The following PPP2R5C variants were observed in gnomAD, a reference collection of about 807,000 sequenced individuals.
The protein encoded by PPP2R5C is protein phosphatase 2 regulatory subunit B'gamma.
In PPP2R5C, 7 loss-of-function variants were observed where a neutral mutation model predicts 68.9. The observed-to-expected ratio is 0.10, with a 90% CI of 0.06 to 0.19. PPP2R5C has a LOEUF of 0.19. PPP2R5C is among the 10% of genes least tolerant of loss of function. PPP2R5C has a pLI of 1.00. For missense variants in PPP2R5C, 348 were observed against 641.3 expected (o/e 0.54, Z 4.94); for synonymous variants, 210 against 222.2 (o/e 0.95, Z 0.49).
At chr14:101,785,883 A>G (rs572207307) in intron 2 of PPP2R5C, 135 bp from the exon 3 acceptor site, 1 of 763,618 alleles carries the variant, frequency 1.3e-6, no homozygotes, top group Non-Finnish European at 1.9e-6. Context: ...CAGCCACTCT[A>G]AGGAATGATG....
intron 3 of PPP2R5C, among the ~76,000 whole-genome samples, chr14:101,795,857 C>G (rs2038582115): frequency 6.6e-6 from 1 of 152,150 alleles, no homozygotes. Context: ...CGGTTTCGCT[C>G]TGTCACCCAG....
intron 2 of PPP2R5C, among the ~76,000 whole-genome samples, chr14:101,779,522 C>G (rs768731040): frequency 5.3e-5 from 8 of 152,110 alleles, no homozygotes; most frequent in Non-Finnish European, 1.0e-4. Flanking sequence ...GCTGAAGAAA[C>G]AGGCATTGAA....
At chr14:101,795,135 A>G (rs1566844085) in intron 3 of PPP2R5C, among the ~76,000 whole-genome samples, 1 of 152,216 alleles carries the variant, frequency 6.6e-6, no homozygotes. Context: ...GCTATTATAA[A>G]TGATACTGTT....
At chr14:101,763,011 C>T (rs2036635840) in intron 2 of PPP2R5C, 41 bp downstream of exon 2, 1 of 1,485,628 alleles carries the variant, frequency 6.7e-7, no homozygotes, top group Non-Finnish European at 9.2e-7. Flanking sequence ...TTATACACAG[C>T]TTTTAACTTC....
chr14:101,797,164 C>A lies in PPP2R5C; in HGVS notation c.259+10981C>A, dbSNP rs1341147682. On this transcript the variant is annotated intron_variant, in intron 3 of 14. Transcript: ENST00000328724. This position sits in a 1 kb window ranked among gnomAD's most constrained non-coding sequence, Gnocchi z 4.2. ...TCTTAGAAGCGGAATCGTACAGTAT[C>A]TGTCTTTCTGTGCCTGGCTTATTTC... 6.6e-6 allele frequency: 3 copies of A among 455,918 alleles called. No individual in the cohort carries two copies. Among genetic ancestry groups the A allele is most frequent in the African/African-American group, 6.0e-5 (3 of 50,058 alleles). The allele number at this position is 455,918 out of a possible 1,614,324, so 28.2% of individuals were successfully genotyped here. A position where few individuals can be genotyped will look rare whatever the true frequency, so the allele number is the denominator to read the frequency against.
In PPP2R5C at chr14:101,797,673, T is replaced by A; in HGVS notation, c.259+11490T>A. The A allele has an allele frequency of 6.1e-6, 1 of 164,036 alleles. No homozygotes were observed. Among genetic ancestry groups the A allele is most frequent in the Non-Finnish European group, 1.3e-5 (1 of 76,746 alleles). The allele number at this position is 164,036 out of a possible 1,614,324, so 10.2% of individuals were successfully genotyped here. On this transcript the variant is annotated intron_variant, in intron 3 of 14. Coordinates refer to the PPP2R5C transcript ENST00000328724. This position sits in a 1 kb window ranked among gnomAD's most constrained non-coding sequence, Gnocchi z 4.2. ...AAAGGGTGTCGGCAAGTTGGCAAGT[T>A]AAAAAAAAAAACAATCAGCATGAAA...
At chr14:101,853,048 C>A (rs1413838463) in intron 1 of PPP2R5C, among the ~76,000 whole-genome samples, 2 of 152,136 alleles carry the variant, frequency 1.3e-5, no homozygotes, top group Non-Finnish European at 1.5e-5. Context: ...GAAGCATATT[C>A]TTCCACCACC....
At position 101,797,213 on chromosome 14, in the gene PPP2R5C, C is replaced by G. The variant is rs1478470226; in HGVS notation, c.259+11030C>G. 1 of 455,862 alleles carries G rather than the reference C, an allele frequency of 2.2e-6. No individual in the cohort carries two copies. Among genetic ancestry groups the G allele is most frequent in the African/African-American group, 2.0e-5 (1 of 50,038 alleles). 28.2% of individuals were successfully genotyped at this position (455,862 alleles called of 1,614,324 possible). On this transcript the variant is annotated intron_variant, in intron 3 of 14. Coordinates refer to the PPP2R5C transcript ENST00000328724. The surrounding 1 kb of genome is among the most constrained non-coding windows in gnomAD (Gnocchi z 4.2). ...TCCCTAAACATAATATCTTCCAGGT[C>G]CCCCCACATTGTAGCACGTGCCAGA...
chr14:101,801,759 C>T (rs1313500422), intron 3 of PPP2R5C, among the ~76,000 whole-genome samples: 1 of 152,242 alleles, frequency 6.6e-6, no homozygotes, highest in African/African-American at 2.4e-5. Flanking sequence ...GATGTCAGTA[C>T]TGCCCAAAGC....
At chr14:101,768,584 C>G (rs533488805) in intron 2 of PPP2R5C, among the ~76,000 whole-genome samples, 76 of 152,152 alleles carry the variant, frequency 5.0e-4, no homozygotes, top group African/African-American at 1.8e-3. Flanking sequence ...ACGTCCGGCT[C>G]CATCGAAGGT....
rs374688869 is a variant in PPP2R5C, at chr14:101,913,789, T to C, written c.1326+1316T>C. Among the ~76,000 whole-genome samples, 3 of 152,198 alleles carry C rather than the reference T, an allele frequency of 2.0e-5. No individual in the cohort carries two copies. The highest frequency in any genetic ancestry group is 7.2e-5 in the African/African-American group (3 of 41,452). On this transcript the variant is annotated intron_variant, in intron 12 of 13. Coordinates refer to ENST00000334743, the Ensembl canonical transcript of PPP2R5C. The surrounding 1 kb of genome is among the most constrained non-coding windows in gnomAD (Gnocchi z 4.1). ...TTGTTCTGAAGAGCCTCAGGCAAAGTGGGTGCTGATAGCCCTCAGGATTGT... is the reference window on the plus strand; with the variant it reads ...TTGTTCTGAAGAGCCTCAGGCAAAGCGGGTGCTGATAGCCCTCAGGATTGT...
intron 5 of PPP2R5C, chr14:101,889,969 T>C: frequency 1.8e-6 from 1 of 562,466 alleles, no homozygotes; most frequent in Non-Finnish European, 3.4e-6. Flanking sequence ...TAGAATTCTT[T>C]CCGTTTTCCT....
chr14:101,892,915 A>G (rs1352448684), intron 6 of PPP2R5C, 85 bp from the exon 9 acceptor site: 1 of 1,086,106 alleles, frequency 9.2e-7, no homozygotes, highest in Non-Finnish European at 1.4e-6. Flanking sequence ...TTTGATGGTG[A>G]AAACAAAAAT....
chr14:101,863,093 A>AG (rs2042852893), intron 2 of PPP2R5C, among the ~76,000 whole-genome samples: 1 of 152,034 alleles, frequency 6.6e-6, no homozygotes, highest in African/African-American at 2.4e-5. Flanking sequence ...GGATCACCTG[A>AG]GGTCAGGAGT....
At position 101,762,899 on chromosome 14, in the gene PPP2R5C, T is replaced by G. The variant is rs757646430; in HGVS notation, c.28-6T>G. Reference sequence around the variant, plus strand: ...AGACTAATTGACTTTGCTTGATGTTTACCAGGAATCACCAAAAGCAGGGAA... The same window carrying G: ...AGACTAATTGACTTTGCTTGATGTTGACCAGGAATCACCAAAAGCAGGGAA... On this transcript the variant is annotated splice_region_variant and splice_polypyrimidine_tract_variant and intron_variant, in intron 1 of 14. Coordinates refer to the PPP2R5C transcript ENST00000328724. 3 of 1,579,298 alleles carry G rather than the reference T, an allele frequency of 1.9e-6. No homozygotes were observed. Among genetic ancestry groups the G allele is most frequent in the Non-Finnish European group, 2.6e-6 (3 of 1,161,624 alleles).
chr14:101,880,335 C>G lies in PPP2R5C; in HGVS notation c.295-1826C>G, dbSNP rs117117641. ...TTCATCCCTGCGTTTCTACAGTATC[C>G]GTGAAGGCCATTACAGTTGGTCTTT... is the stretch of plus-strand genomic sequence containing the variant. On this transcript the variant is annotated intron_variant, in intron 2 of 13. Coordinates refer to ENST00000334743, the Ensembl canonical transcript of PPP2R5C. Among the ~76,000 whole-genome samples, 596 of 152,278 alleles carry G rather than the reference C, an allele frequency of 3.9e-3. 7 individuals are homozygous for G. The highest frequency in any genetic ancestry group is 3.2e-3 in the Non-Finnish European group (216 of 68,030).
intron 5 of PPP2R5C, among the ~76,000 whole-genome samples, chr14:101,884,424 G>C (rs1479980372): frequency 2.0e-5 from 3 of 152,224 alleles, no homozygotes; most frequent in African/African-American, 7.2e-5. Flanking sequence ...CTTCACACCA[G>C]CTTTTTCCTT....
intron 1 of PPP2R5C, among the ~76,000 whole-genome samples, chr14:101,852,673 T>C (rs367799200): frequency 1.3e-5 from 2 of 152,032 alleles, no homozygotes; most frequent in African/African-American, 4.8e-5. Context: ...GGTTTCACCA[T>C]GTTGGCTAGG....
chr14:101,822,089 CACA>C (rs2040119352), intron 1 of PPP2R5C, among the ~76,000 whole-genome samples: 2 of 124,860 alleles, frequency 1.6e-5, no homozygotes, highest in Admixed American at 7.9e-5. Flanking sequence ...GCCCCCCCCC[CACA>C]CACACACATC....
Sources: allele counts gnomAD v4.1 joint callset (sites outside exome capture counted in the v4.1 genomes callset), GRCh38; gene constraint gnomAD v4.1.1; non-coding constraint Gnocchi (gnomAD v3.1); transcripts MANE v1.5; gene names NCBI Gene and HGNC (gene_info 2026-07-23, HGNC 2026-07-21).